The following MAD1L1 variants were observed in gnomAD, a reference collection of about 807,000 sequenced individuals.
The protein encoded by MAD1L1 is mitotic spindle assembly checkpoint protein MAD1.
A neutral mutation model predicts 96.9 loss-of-function variants in MAD1L1; 95 were observed. The ratio of observed to expected loss-of-function variants is 0.98; its 90% CI spans 0.83 to 1.16. The LOEUF (loss-of-function observed/expected upper bound fraction) is 1.16, where lower values mean the gene tolerates loss of function less well. MAD1L1 is among the 50% of genes most tolerant of loss of function. MAD1L1 has a pLI of 0.00. For synonymous variants in MAD1L1, 473 were observed against 396.6 expected (o/e 1.19, Z -2.29); for missense variants, 1,007 against 954.4 (o/e 1.06, Z -0.73).
intron 11 of MAD1L1, among the ~76,000 whole-genome samples, chr7:2,106,651 C>T (rs1348284653): frequency 6.6e-6 from 1 of 152,254 alleles, no homozygotes; most frequent in Non-Finnish European, 1.5e-5. Context: ...GCCCGTCACA[C>T]TCTCGGCCCA....
chr7:2,206,457 G>C (rs1023144030), intron 10 of MAD1L1, among the ~76,000 whole-genome samples: 5 of 152,180 alleles, frequency 3.3e-5, no homozygotes, highest in African/African-American at 1.2e-4. Context: ...TGCGTCATTT[G>C]AGTTAAATCT....
chr7:2,073,392 G>A (rs1785227542), intron 11 of MAD1L1, among the ~76,000 whole-genome samples: 1 of 152,140 alleles, frequency 6.6e-6, no homozygotes, highest in Non-Finnish European at 1.5e-5. Flanking sequence ...CGACCCCTCG[G>A]ACCCTTGCTG....
chr7:2,117,432 T>C (rs771362710), intron 11 of MAD1L1, among the ~76,000 whole-genome samples: 9 of 152,340 alleles, frequency 5.9e-5, no homozygotes, highest in Middle Eastern at 3.4e-3. Flanking sequence ...AGGCATGATA[T>C]GATATGGTCT....
intron 10 of MAD1L1, among the ~76,000 whole-genome samples, chr7:2,192,138 G>GT (rs887926229): frequency 3.6e-4 from 53 of 148,738 alleles, no homozygotes; most frequent in Middle Eastern, 3.4e-3. Context: ...TGTTTTTTTT[G>GT]TTTTTTTTTG....
At chr7:2,148,259 G>A (rs1789404793) in intron 11 of MAD1L1, 1 of 152,476 alleles carries the variant, frequency 6.6e-6, no homozygotes, top group African/African-American at 2.4e-5. Context: ...GATCATCAAT[G>A]GCAAACAGGT....
chr7:2,038,646 G>A (rs759187176), intron 12 of MAD1L1, among the ~76,000 whole-genome samples: 2 of 151,508 alleles, frequency 1.3e-5, no homozygotes, highest in Admixed American at 6.6e-5. Flanking sequence ...CCAAGTAGCC[G>A]GGATTACAAG....
intron 11 of MAD1L1, among the ~76,000 whole-genome samples, chr7:2,109,137 C>A (rs968595838): frequency 6.6e-6 from 1 of 152,262 alleles, no homozygotes; most frequent in African/African-American, 2.4e-5. Context: ...ACAGGCCCTG[C>A]CTGTGGGCCC....
intron 18 of MAD1L1, among the ~76,000 whole-genome samples, chr7:1,851,678 A>G (rs1450640702): frequency 6.6e-6 from 1 of 152,188 alleles, no homozygotes; most frequent in African/African-American, 2.4e-5. Flanking sequence ...GGAGGTCCAC[A>G]CAGGGGAAGG....
At chr7:1,938,412 AG>A (rs1778724179) in intron 16 of MAD1L1, among the ~76,000 whole-genome samples, 1 of 152,190 alleles carries the variant, frequency 6.6e-6, no homozygotes, top group Admixed American at 6.5e-5. Context: ...TGGCCGTAAA[AG>A]AAAAAAAAAA....
At position 2,119,714 on chromosome 7, in the gene MAD1L1, G is replaced by A. The variant is rs1787885885; in HGVS notation, c.1073+29438C>T. On this transcript the variant is annotated intron_variant, in intron 11 of 18. Coordinates refer to ENST00000265854, the MANE Select transcript of MAD1L1 (RefSeq NM_001013836.2). This position sits in a 1 kb window ranked among gnomAD's most constrained non-coding sequence, Gnocchi z 4.6. ...GAAACCCAGAGTGCTCCTGAGGAGG[G>A]AGAGCCTGCCAGTCCAGCAGGGGAC... Among the ~76,000 whole-genome samples, 1 of 152,158 alleles carries A rather than the reference G, an allele frequency of 6.6e-6. No individual in the cohort carries two copies. Among genetic ancestry groups the A allele is most frequent in the Admixed American group, 6.5e-5 (1 of 15,284 alleles).
chr7:1,972,202 G>A (rs1699582589), intron 15 of MAD1L1, among the ~76,000 whole-genome samples: 7 of 152,144 alleles, frequency 4.6e-5, no homozygotes, highest in South Asian at 2.1e-4. Flanking sequence ...CGGAAGGCTC[G>A]CCCCGCTGTC....
intron 10 of MAD1L1, among the ~76,000 whole-genome samples, chr7:2,207,707 G>A (rs545973134): frequency 1.5e-4 from 23 of 152,312 alleles, no homozygotes; most frequent in African/African-American, 3.8e-4. Flanking sequence ...AGTTCTGTGA[G>A]CCACACTAGC....
intron 5 of MAD1L1, chr7:2,220,922 A>C (rs777479916): frequency 8.7e-6 from 14 of 1,612,140 alleles, no homozygotes; most frequent in Non-Finnish European, 1.1e-5. Flanking sequence ...GGCCGAGCCC[A>C]CCTGCCCACA....
rs73283524 is a variant in MAD1L1 at position 2,059,752 on chromosome 7, G to A, written c.1218+9442C>T. Reference sequence around the variant, plus strand: ...GGGGAAGCATGGCCAGCATCTCTCAGAGAGTATGAGTGTGCACGTCAAACA... The same window carrying A: ...GGGGAAGCATGGCCAGCATCTCTCAAAGAGTATGAGTGTGCACGTCAAACA... On this transcript the variant is annotated intron_variant, in intron 12 of 18. Coordinates refer to ENST00000265854, the MANE Select transcript of MAD1L1 (RefSeq NM_001013836.2). 2.4e-3 allele frequency among the ~76,000 whole-genome samples: 362 copies of A among 152,152 alleles called. 2 individuals are homozygous for A. Among genetic ancestry groups the A allele is most frequent in the African/African-American group, 8.2e-3 (341 of 41,460 alleles).
chr7:2,118,837 G>A (rs1346297163), intron 11 of MAD1L1, among the ~76,000 whole-genome samples: 1 of 152,198 alleles, frequency 6.6e-6, no homozygotes, highest in Non-Finnish European at 1.5e-5. Context: ...TGAGGCACGC[G>A]CAGACACGTC....
chr7:2,172,641 A>C (rs1287635726), intron 10 of MAD1L1, among the ~76,000 whole-genome samples: 1 of 152,238 alleles, frequency 6.6e-6, no homozygotes. Flanking sequence ...CATCCAGCAA[A>C]GCCGTCAGTA....
At chr7:1,862,816 T>C (rs1404772617) in intron 18 of MAD1L1, among the ~76,000 whole-genome samples, 1 of 152,138 alleles carries the variant, frequency 6.6e-6, no homozygotes, top group African/African-American at 2.4e-5. Context: ...GAAAACAAAC[T>C]CAAAAGAGAC....
chr7:2,177,937 C>G (rs945474166), intron 10 of MAD1L1, among the ~76,000 whole-genome samples: 3 of 152,194 alleles, frequency 2.0e-5, no homozygotes, highest in Non-Finnish European at 4.4e-5. Flanking sequence ...ACACCACTTT[C>G]AAACACACCA....
chr7:2,088,156 G>A lies in MAD1L1; in HGVS notation c.1074-18818C>T, dbSNP rs1786022266. 1.3e-5 allele frequency among the ~76,000 whole-genome samples: 2 copies of A among 152,192 alleles called. No individual in the cohort carries two copies. Among genetic ancestry groups the A allele is most frequent in the African/African-American group, 4.8e-5 (2 of 41,448 alleles). ...TGAGTGGAAATATGGGGGCCCACGT[G>A]CATGGCCACAGAACAGTGGACGAGG... is the stretch of plus-strand genomic sequence containing the variant. On this transcript the variant is annotated intron_variant, in intron 11 of 18. Transcript: ENST00000265854. This position sits in a 1 kb window ranked among gnomAD's most constrained non-coding sequence, Gnocchi z 4.4.
Sources: allele counts gnomAD v4.1 joint callset (sites outside exome capture counted in the v4.1 genomes callset), GRCh38; gene constraint gnomAD v4.1.1; non-coding constraint Gnocchi (gnomAD v3.1); transcripts MANE v1.5; gene names NCBI Gene and HGNC (gene_info 2026-07-23, HGNC 2026-07-21).